NEB: variants seen among roughly 807,000 people sequenced by gnomAD.
The protein encoded by NEB is nebulin.
Under a neutral mutation model 952.2 loss-of-function variants are expected in NEB, and 512 were observed. The ratio of observed to expected loss-of-function variants is 0.54; its 90% CI spans 0.50 to 0.58. NEB has a LOEUF of 0.58. Among genes scored for constraint, NEB ranks in the 20% least tolerant of loss-of-function variants. The pLI is 0.00. For synonymous variants in NEB, 2,900 were observed against 3,149.8 expected, an observed-to-expected ratio of 0.92 and a Z score of 2.66; for missense variants, 8,428 against 9,231.1, an observed-to-expected ratio of 0.91 and a Z score of 3.56.
At chr2:151,674,616 C>T in intron 35 of NEB, 32 bp from the exon 36 acceptor site, 1 of 1,480,378 alleles carries the variant, frequency 6.8e-7, no homozygotes, top group Non-Finnish European at 9.4e-7. Flanking sequence ...ATGTCAGCAT[C>T]TGTAAGTGAT....
At position 151,620,345 on chromosome 2, in the gene NEB, GTGTATATA is replaced by G. The variant is rs1461881031; in HGVS notation, c.10560+566_10560+573del. ...TTTTATTATATATATATGTATGTGT[GTGTATATA>G]TATATATATATATATATATATATAT... On this transcript the variant is annotated intron_variant, in intron 72 of 181. Transcript: ENST00000397345. Among the ~76,000 whole-genome samples, 498 of 87,778 alleles carry G rather than the reference GTGTATATA, an allele frequency of 5.7e-3. 2 individuals carry two copies. The highest frequency in any genetic ancestry group is 8.4e-3 in the Non-Finnish European group (387 of 46,316). The allele number at this position is 87,778 out of a possible 152,430, so 57.6% of individuals were successfully genotyped here.
chr2:151,509,596 A>C (rs1309899254), intron 161 of NEB, among the ~76,000 whole-genome samples: 4 of 151,904 alleles, frequency 2.6e-5, no homozygotes, highest in African/African-American at 9.7e-5. Context: ...ATGCAGATGA[A>C]CTGGGGAGGA....
intron 165 of NEB, among the ~76,000 whole-genome samples, chr2:151,505,040 A>C (rs1027189164): frequency 1.3e-5 from 2 of 152,186 alleles, no homozygotes; most frequent in Non-Finnish European, 2.9e-5. Flanking sequence ...TATCATTCAT[A>C]TGATGTGTCA....
At chr2:151,487,442 TC>T (rs1190953604) in intron 181 of NEB, among the ~76,000 whole-genome samples, 2 of 152,194 alleles carry the variant, frequency 1.3e-5, no homozygotes, top group African/African-American at 4.8e-5. Flanking sequence ...AGATTTCCTT[TC>T]CCCTTTGCAT....
At chr2:151,493,525 C>A in intron 175 of NEB, 80 bp from the exon 176 acceptor site, 1 of 916,262 alleles carries the variant, frequency 1.1e-6, no homozygotes, top group Non-Finnish European at 1.6e-6. Flanking sequence ...GGTGTTATGG[C>A]TCATGTTATG....
At chr2:151,562,528 A>ATG in intron 120 of NEB, 83 bp downstream of exon 120, 1 of 1,313,716 alleles carries the variant, frequency 7.6e-7, no homozygotes, top group Non-Finnish European at 1.0e-6. Flanking sequence ...GGACAACGGG[A>ATG]GCATGGCAGC....
In NEB at chr2:151,690,971, GTCTC is replaced by G. The variant is rs141120434; in HGVS notation, c.2212-150_2212-147del. 804 of 594,498 alleles carry G rather than the reference GTCTC, an allele frequency of 1.4e-3. 3 individuals carry two copies. The highest frequency in any genetic ancestry group is 9.6e-3 in the African/African-American group (510 of 53,190). 36.8% of individuals were successfully genotyped at this position (594,498 alleles called of 1,614,324 possible). The stretch of plus-strand genomic sequence containing the variant: ...CGTTTATATTCTCACTTCTCTGTCT[GTCTC>G]TCTCTCTCTCTCTCTTTTTCCTTTA... On this transcript the variant is annotated intron_variant, in intron 23 of 181. Coordinates refer to ENST00000397345, the MANE Select transcript of NEB (RefSeq NM_001164508.2).
intron 64 of NEB, among the ~76,000 whole-genome samples, chr2:151,634,879 A>G (rs973476331): frequency 6.6e-6 from 1 of 152,174 alleles, no homozygotes; most frequent in Non-Finnish European, 1.5e-5. Flanking sequence ...TTCTAGCCTC[A>G]CATGTATCAA....
At chr2:151,636,684 G>A (rs1281212630) in intron 63 of NEB, among the ~76,000 whole-genome samples, 2 of 152,140 alleles carry the variant, frequency 1.3e-5, no homozygotes, top group South Asian at 2.1e-4. Flanking sequence ...GGGAGACTGA[G>A]GCAGGAGAAT....
Position 151,503,384 on chromosome 2 carries a change from C to T in NEB, c.23800G>A (p.Glu7934Lys). The change falls in exon 166 of 182, where the codon GAG (glutamate) becomes AAG (lysine). Residue 7934 changes from glutamate to lysine, a missense_variant. By Grantham distance (56) the Glu-to-Lys change is moderately conservative. Around this residue, in one of 11 missense-constraint regions of NEB, gnomAD observed 3,374 missense variants for 3,651.5 expected, o/e 0.92. Transcript: ENST00000397345. ...TTCTCTTGATTGCGTTTGACTCTCT[C>T]AATCTCTGGAGTCACAGTGGTTGGA... ...GIPTTVTPEI[E>K]RVKRNQENFS... The T allele has an allele frequency of 1.2e-6, 2 of 1,612,764 alleles. No individual in the cohort carries two copies. The highest frequency in any genetic ancestry group is 1.7e-6 in the Non-Finnish European group (2 of 1,178,972).
chr2:151,521,385 C>A lies in NEB; in HGVS notation c.22480-1617G>T, dbSNP rs144423548. ...GTAAACAAATGCTACAATGGCTCTTCTCTGAAAAAGTTTCACTCTCAACAT... is the reference window on the plus strand; with the variant it reads ...GTAAACAAATGCTACAATGGCTCTTATCTGAAAAAGTTTCACTCTCAACAT... On this transcript the variant is annotated intron_variant, in intron 153 of 181. Coordinates refer to ENST00000397345, the MANE Select transcript of NEB (RefSeq NM_001164508.2). Among the ~76,000 whole-genome samples the A allele has an allele frequency of 2.3e-3, 344 of 152,270 alleles. 8 individuals are homozygous for A. The East Asian group carries it at 0.044, about 20-fold the overall frequency.
Position 151,669,044 on chromosome 2 carries a change from C to T in NEB, c.4594G>A (p.Ala1532Thr), listed in dbSNP as rs764901671. The change falls in exon 39 of 182, where the codon GCC becomes ACC. Residue 1532 changes from alanine to threonine, a missense_variant. By Grantham distance (58) the Ala-to-Thr change is moderately conservative (BLOSUM62 0). Around this residue, in one of 11 missense-constraint regions of NEB, gnomAD observed 2,851 missense variants for 2,791.5 expected, o/e 1.02. Coordinates refer to ENST00000397345, the MANE Select transcript of NEB (RefSeq NM_001164508.2). ...ATACTCACATCACTCATGTTGAGGG[C>T]GTTGACTTTGGCTTGAATAAACTGA... ...LPQFIQAKVN[A>T]LNMSDAHYKA... 1.1e-5 allele frequency: 18 copies of T among 1,592,936 alleles called. No homozygotes were observed. The highest frequency in any genetic ancestry group is 4.5e-5 in the East Asian group (2 of 44,416).
chr2:151,545,259 G>A (rs1019186982), intron 135 of NEB, among the ~76,000 whole-genome samples: 15 of 152,168 alleles, frequency 9.9e-5, no homozygotes, highest in African/African-American at 3.6e-4. Context: ...TAAGTTTAGA[G>A]ACAACAAAAA....
chr2:151,620,022 A>T (rs562483407), intron 72 of NEB, among the ~76,000 whole-genome samples: 1 of 152,268 alleles, frequency 6.6e-6, no homozygotes, highest in Non-Finnish European at 1.5e-5. Flanking sequence ...GAAGAGTCCA[A>T]TTACAGTAAT....
intron 73 of NEB, among the ~76,000 whole-genome samples, chr2:151,619,075 T>A (rs2098311566): frequency 6.6e-6 from 1 of 152,352 alleles, no homozygotes; most frequent in East Asian, 1.9e-4. Context: ...TAATTTAGCA[T>A]AATATGCTTT....
At chr2:151,572,490 TTA>T (rs1189891258) in intron 107 of NEB, among the ~76,000 whole-genome samples, 2 of 146,472 alleles carry the variant, frequency 1.4e-5, no homozygotes, top group African/African-American at 2.5e-5. Flanking sequence ...TATTGAATAT[TTA>T]TATATATTGA....
intron 10 of NEB, 112 bp from the exon 11 acceptor site, chr2:151,710,650 T>C: frequency 1.6e-6 from 1 of 640,216 alleles, no homozygotes; most frequent in Non-Finnish European, 2.5e-6. Flanking sequence ...AAGCCATTCT[T>C]AGGTCCTTAA....
Position 151,519,070 on chromosome 2 carries a change from CTG to C in NEB, c.22591-3_22591-2del. The C allele has an allele frequency of 6.3e-7, 1 of 1,593,750 alleles. No homozygotes were observed. The highest frequency in any genetic ancestry group is 8.6e-7 in the Non-Finnish European group (1 of 1,161,726). On this transcript the variant is annotated splice_acceptor_variant and splice_polypyrimidine_tract_variant and intron_variant, in intron 154 of 181. Transcript: ENST00000397345. LOFTEE classifies it high-confidence loss of function. Reference sequence around the variant, plus strand: ...TCTTCAGGTCAGCCTTGTATTTAACCTGTGTGTTATGGGGGAAGAAAGGAAAT... The same window carrying C: ...TCTTCAGGTCAGCCTTGTATTTAACCTGTGTTATGGGGGAAGAAAGGAAAT...
rs1374997915 is a variant in NEB at position 151,695,562 on chromosome 2, G to A, written c.1674+16C>T. On this transcript the variant is annotated intron_variant, in intron 18 of 181. Coordinates refer to ENST00000397345, the MANE Select transcript of NEB (RefSeq NM_001164508.2). ...GTTGTCAGTACATCACATGGTACAGGGCATAAGGAACTTACATCACTCAAG... is the reference window on the plus strand; with the variant it reads ...GTTGTCAGTACATCACATGGTACAGAGCATAAGGAACTTACATCACTCAAG... 1.3e-6 allele frequency: 2 copies of A among 1,586,834 alleles called. No homozygotes were observed. The highest frequency in any genetic ancestry group is 1.1e-5 in the South Asian group (1 of 90,276).
Sources: allele counts gnomAD v4.1 joint callset (sites outside exome capture counted in the v4.1 genomes callset), GRCh38; gene constraint gnomAD v4.1.1; regional missense constraint gnomAD v4.1.1; transcripts MANE v1.5; gene names NCBI Gene and HGNC (gene_info 2026-07-23, HGNC 2026-07-21).